IQGAP2: variants seen among roughly 807,000 people sequenced by gnomAD.
IQGAP2 encodes IQ motif containing GTPase activating protein 2.
A neutral mutation model predicts 201.3 loss-of-function variants in IQGAP2; 173 were observed. The observed-to-expected ratio is 0.86, with a 90% CI of 0.76 to 0.98. IQGAP2 has a LOEUF of 0.98. Among genes scored for constraint, IQGAP2 ranks in the 50% least tolerant of loss-of-function variants. The probability of loss-of-function intolerance (pLI) is 0.00; values close to 1 mark genes in which losing one functional copy is unlikely to be tolerated. For synonymous variants in IQGAP2, 675 were observed against 673.9 expected, an observed-to-expected ratio of 1.00 and a Z score of -0.03; for missense variants, 1,687 against 1,864.8, an observed-to-expected ratio of 0.90 and a Z score of 1.76.
chr5:76,573,604 G>A lies in IQGAP2; in HGVS notation c.382-2089G>A, dbSNP rs541728918. On this transcript the variant is annotated intron_variant, in intron 4 of 35. Coordinates refer to ENST00000274364, the MANE Select transcript of IQGAP2 (RefSeq NM_006633.5). ...CTGCTTACATAAAAAACTTTAAACC[G>A]GTAATACTCTTTTTTGTTGTTTTTT... 5.9e-5 allele frequency among the ~76,000 whole-genome samples: 9 copies of A among 152,052 alleles called. No homozygotes were observed. The South Asian group carries it at 6.2e-4, about 11-fold the overall frequency.
At chr5:76,570,729 ATGACTT>A (rs1466190908) in intron 4 of IQGAP2, 72 bp downstream of exon 4, 12 of 1,001,342 alleles carry the variant, frequency 1.2e-5, no homozygotes, top group Non-Finnish European at 1.6e-5. Flanking sequence ...TTTATGAGCA[ATGACTT>A]TGGAGACTGG....
intron 3 of IQGAP2, among the ~76,000 whole-genome samples, chr5:76,564,926 T>A (rs1168685049): frequency 6.6e-6 from 1 of 152,148 alleles, no homozygotes; most frequent in Non-Finnish European, 1.5e-5. Context: ...GAAAAAAACA[T>A]AAGACAAATG....
At chr5:76,437,974 T>G (rs2150100304) in intron 1 of IQGAP2, among the ~76,000 whole-genome samples, 1 of 150,298 alleles carries the variant, frequency 6.7e-6, no homozygotes, top group South Asian at 2.1e-4. Flanking sequence ...TTGAAGATTT[T>G]TGCATCTATA....
At chr5:76,552,353 C>G (rs1743618229) in intron 2 of IQGAP2, among the ~76,000 whole-genome samples, 1 of 152,196 alleles carries the variant, frequency 6.6e-6, no homozygotes, top group South Asian at 2.1e-4. Context: ...TTGGTGCCCT[C>G]TCCAGAACAC....
At chr5:76,621,063 G>C (rs908419831) in intron 13 of IQGAP2, among the ~76,000 whole-genome samples, 1 of 152,004 alleles carries the variant, frequency 6.6e-6, no homozygotes, top group African/African-American at 2.4e-5. Flanking sequence ...CATTCTTATC[G>C]ATTTAAAATG....
At chr5:76,598,176 G>T (rs1181289737) in intron 10 of IQGAP2, among the ~76,000 whole-genome samples, 1 of 152,110 alleles carries the variant, frequency 6.6e-6, no homozygotes, top group African/African-American at 2.4e-5. Flanking sequence ...ATATAACAAG[G>T]CTCGTATTTC....
chr5:76,650,617 A>T (rs999470759), intron 17 of IQGAP2, among the ~76,000 whole-genome samples: 1 of 152,140 alleles, frequency 6.6e-6, no homozygotes, highest in Non-Finnish European at 1.5e-5. Context: ...ATATGACCTT[A>T]CTTTACTCTT....
intron 1 of IQGAP2, among the ~76,000 whole-genome samples, chr5:76,432,107 A>C (rs1013584897): frequency 6.8e-5 from 9 of 131,774 alleles, no homozygotes; most frequent in African/African-American, 2.5e-4. Flanking sequence ...CTTTAATGGA[A>C]TTGACTGATC....
At chr5:76,609,415 T>G (rs1334995493) in intron 12 of IQGAP2, among the ~76,000 whole-genome samples, 2 of 152,208 alleles carry the variant, frequency 1.3e-5, no homozygotes, top group African/African-American at 4.8e-5. Context: ...ATACTTCTGC[T>G]TTTTCTTCAA....
In IQGAP2 at chr5:76,542,798, G is replaced by A. The variant is rs180729785; in HGVS notation, c.147-19598G>A. Among the ~76,000 whole-genome samples, 723 of 152,220 alleles carry A rather than the reference G, an allele frequency of 4.7e-3. 3 individuals are homozygous for A. Among genetic ancestry groups the A allele is most frequent in the Non-Finnish European group, 8.5e-3 (580 of 68,010 alleles). ...CAGGTAGATACACCCTTTTAGCTCTGCCACATTCTAACATAGAGTGGCTCT... is the reference window on the plus strand; with the variant it reads ...CAGGTAGATACACCCTTTTAGCTCTACCACATTCTAACATAGAGTGGCTCT... On this transcript the variant is annotated intron_variant, in intron 2 of 35. Coordinates refer to ENST00000274364, the MANE Select transcript of IQGAP2 (RefSeq NM_006633.5).
At chr5:76,685,123 T>A (rs13170865) in intron 30 of IQGAP2, among the ~76,000 whole-genome samples, 44,424 of 152,082 alleles carry the variant, frequency 0.29, 7,226 homozygotes, top group Non-Finnish European at 0.37. Flanking sequence ...GGACTAGGAC[T>A]CACCCTTGGC....
intron 1 of IQGAP2, among the ~76,000 whole-genome samples, chr5:76,438,518 C>T (rs765343801): frequency 1.3e-5 from 2 of 152,100 alleles, no homozygotes; most frequent in Non-Finnish European, 2.9e-5. Flanking sequence ...TCTTGGCTCA[C>T]TGCAACCTCC....
In IQGAP2 at chr5:76,407,111, C is replaced by T. The variant is rs1039822841; in HGVS notation, c.46+3520C>T. Among the ~76,000 whole-genome samples the T allele has an allele frequency of 2.6e-5, 4 of 152,116 alleles. No individual in the cohort carries two copies. In the East Asian group the frequency reaches 7.7e-4, roughly 29 times the overall value. On this transcript the variant is annotated intron_variant, in intron 1 of 35. Coordinates refer to ENST00000274364, the MANE Select transcript of IQGAP2 (RefSeq NM_006633.5). ...CCTCCCACCTCACCCTCCTGAGTAGCTGGTACTACAGGCACACATCACCAC... is the reference window on the plus strand; with the variant it reads ...CCTCCCACCTCACCCTCCTGAGTAGTTGGTACTACAGGCACACATCACCAC...
At chr5:76,498,864 G>A (rs1420654577) in intron 2 of IQGAP2, among the ~76,000 whole-genome samples, 1 of 152,210 alleles carries the variant, frequency 6.6e-6, no homozygotes, top group African/African-American at 2.4e-5. Flanking sequence ...TTGGTTACCT[G>A]GGAGCTGGCT....
intron 5 of IQGAP2, among the ~76,000 whole-genome samples, chr5:76,585,166 G>T (rs538944656): frequency 4.7e-4 from 71 of 152,260 alleles, no homozygotes; most frequent in African/African-American, 1.6e-3. Flanking sequence ...AGCATCTAAG[G>T]ATAATAGATA....
At chr5:76,435,243 T>A (rs1373783537) in intron 1 of IQGAP2, among the ~76,000 whole-genome samples, 2 of 152,108 alleles carry the variant, frequency 1.3e-5, no homozygotes, top group African/African-American at 2.4e-5. Context: ...TCACATTTGC[T>A]TTTAGGGTAT....
rs186910607 is a variant in IQGAP2 at position 76,669,969 on chromosome 5, C to T, written c.2843+1125C>T. Among the ~76,000 whole-genome samples the T allele has an allele frequency of 4.1e-3, 625 of 152,160 alleles. 7 individuals carry two copies. Among genetic ancestry groups the T allele is most frequent in the African/African-American group, 0.014 (582 of 41,506 alleles). The stretch of plus-strand genomic sequence containing the variant: ...TCCTGAGTAGCTGGGACTACAGGTA[C>T]CCGCCACCACGCCTGGCTAATTTTT... On this transcript the variant is annotated intron_variant, in intron 23 of 35. Coordinates refer to ENST00000274364, the MANE Select transcript of IQGAP2 (RefSeq NM_006633.5).
intron 1 of IQGAP2, among the ~76,000 whole-genome samples, chr5:76,421,602 G>C (rs981606088): frequency 6.6e-6 from 1 of 151,892 alleles, no homozygotes; most frequent in African/African-American, 2.4e-5. Context: ...GGGTGACAGA[G>C]TGAGACCCTG....
At chr5:76,489,799 G>A (rs1756426119) in intron 2 of IQGAP2, among the ~76,000 whole-genome samples, 1 of 152,158 alleles carries the variant, frequency 6.6e-6, no homozygotes, top group African/African-American at 2.4e-5. Flanking sequence ...AGTTTATCTT[G>A]ATAAAATCTG....
Sources: gnomAD v4.1 joint callset for allele counts (sites outside exome capture counted in the v4.1 genomes callset) on GRCh38, gnomAD v4.1.1 for gene constraint, MANE v1.5 for transcripts, NCBI Gene and HGNC (gene_info 2026-07-23, HGNC 2026-07-21) for gene names.